The following GRM8 variants were observed in gnomAD, a reference collection of about 807,000 sequenced individuals.
The protein encoded by GRM8 is glutamate metabotropic receptor 8, also known as metabotropic glutamate receptor 8.
Under a neutral mutation model 87.2 loss-of-function variants are expected in GRM8, and 47 were observed. The observed-to-expected ratio is 0.54, with a 90% CI of 0.43 to 0.69. The LOEUF is 0.69. Among genes scored for constraint, GRM8 ranks in the 30% least tolerant of loss-of-function variants. The pLI is 0.00. For synonymous variants in GRM8, 396 were observed against 404.5 expected (o/e 0.98, Z 0.25); for missense variants, 1,019 against 1,139.2 (o/e 0.89, Z 1.52).
At chr7:126,830,495 C>A (rs1434007445) in intron 6 of GRM8, among the ~76,000 whole-genome samples, 1 of 152,158 alleles carries the variant, frequency 6.6e-6, no homozygotes, top group East Asian at 1.9e-4. Flanking sequence ...TTGATCTCAT[C>A]GGCTCCTGAG....
At chr7:126,906,369 G>A (rs772189230) in intron 3 of GRM8, among the ~76,000 whole-genome samples, 1 of 152,144 alleles carries the variant, frequency 6.6e-6, no homozygotes, top group African/African-American at 2.4e-5. Context: ...AGGCTAGAGT[G>A]CAGTGGCCAG....
chr7:126,562,154 A>G (rs1793777089), intron 8 of GRM8, among the ~76,000 whole-genome samples: 1 of 152,068 alleles, frequency 6.6e-6, no homozygotes, highest in African/African-American at 2.4e-5. Context: ...AAAACCATAA[A>G]CTGCTAAGCT....
At chr7:127,067,970 A>C (rs1226112809) in intron 3 of GRM8, among the ~76,000 whole-genome samples, 1 of 152,128 alleles carries the variant, frequency 6.6e-6, no homozygotes, top group Non-Finnish European at 1.5e-5. Flanking sequence ...TTATAATTAC[A>C]CCTATTTAGG....
intron 3 of GRM8, among the ~76,000 whole-genome samples, chr7:126,967,819 GT>G (rs1326082318): frequency 6.6e-6 from 1 of 152,102 alleles, no homozygotes; most frequent in Non-Finnish European, 1.5e-5. Flanking sequence ...GAAAAGAATA[GT>G]CCTCGCTTCA....
chr7:126,908,191 TGTG>T (rs987686676), intron 3 of GRM8, among the ~76,000 whole-genome samples: 2 of 152,126 alleles, frequency 1.3e-5, no homozygotes, highest in African/African-American at 4.8e-5. Context: ...TTTGAAGTGT[TGTG>T]GGGCAAAGAG....
At chr7:127,220,798 T>C (rs1234814115) in intron 2 of GRM8, among the ~76,000 whole-genome samples, 1 of 152,172 alleles carries the variant, frequency 6.6e-6, no homozygotes, top group Non-Finnish European at 1.5e-5. Context: ...CCGCTGAACA[T>C]ATTTAGTCAA....
intron 3 of GRM8, among the ~76,000 whole-genome samples, chr7:127,026,808 T>C (rs558581582): frequency 5.3e-5 from 8 of 152,308 alleles, no homozygotes; most frequent in African/African-American, 1.9e-4. Context: ...ACTCTGATGA[T>C]AGTTGCTTCT....
chr7:126,570,616 A>G (rs944949298), intron 8 of GRM8, among the ~76,000 whole-genome samples: 3 of 152,168 alleles, frequency 2.0e-5, no homozygotes, highest in African/African-American at 7.2e-5. Context: ...GACTTATTGA[A>G]AAACATCTTC....
chr7:126,867,409 C>G lies in GRM8; in HGVS notation c.1156+35133G>C, dbSNP rs368896630. The stretch of plus-strand genomic sequence containing the variant: ...AAATTGGGCACTTTCTTACCCAAAC[C>G]ACTGTAGGTTTATTTGACATTTAGT... On this transcript the variant is annotated intron_variant, in intron 6 of 10. Coordinates refer to ENST00000339582, the MANE Select transcript of GRM8 (RefSeq NM_000845.3). 5.3e-5 allele frequency among the ~76,000 whole-genome samples: 8 copies of G among 152,282 alleles called. No homozygotes were observed. The East Asian group carries it at 1.4e-3, about 26-fold the overall frequency.
At chr7:126,585,864 T>C (rs1263034146) in intron 8 of GRM8, among the ~76,000 whole-genome samples, 1 of 152,118 alleles carries the variant, frequency 6.6e-6, no homozygotes, top group Non-Finnish European at 1.5e-5. Context: ...TAAAGGGTAT[T>C]CAATTAGGAA....
At position 127,227,179 on chromosome 7, in the gene GRM8, C is replaced by G. The variant is rs577053482; in HGVS notation, c.510+15516G>C. ...GATGGGAGAAAACTCAGCAGCGCCA[C>G]TGGGAGGCTCTGAAACTGGGACAAG... is the stretch of plus-strand genomic sequence containing the variant. On this transcript the variant is annotated intron_variant, in intron 2 of 10. Transcript: ENST00000339582. 2.1e-4 allele frequency among the ~76,000 whole-genome samples: 32 copies of G among 152,328 alleles called. No individual in the cohort carries two copies. In the South Asian group the frequency reaches 6.0e-3, roughly 29 times the overall value.
intron 7 of GRM8, among the ~76,000 whole-genome samples, chr7:126,667,201 ATAAAG>A (rs1805867662): frequency 6.6e-6 from 1 of 152,268 alleles, no homozygotes; most frequent in African/African-American, 2.4e-5. Context: ...TCACTCTACA[ATAAAG>A]TAAACTGAAG....
intron 6 of GRM8, among the ~76,000 whole-genome samples, chr7:126,773,147 T>C (rs979592360): frequency 1.1e-4 from 16 of 152,212 alleles, no homozygotes; most frequent in Admixed American, 2.0e-4. Context: ...TTCCAGGTTG[T>C]TTGTATTGCT....
intron 3 of GRM8, among the ~76,000 whole-genome samples, chr7:127,006,427 G>C (rs1348577181): frequency 1.3e-5 from 2 of 151,960 alleles, no homozygotes; most frequent in Non-Finnish European, 2.9e-5. Flanking sequence ...TTCAGCTTCC[G>C]TCCATTTATC....
intron 1 of GRM8, among the ~76,000 whole-genome samples, chr7:127,245,412 C>T (rs895676283): frequency 1.3e-5 from 2 of 152,136 alleles, no homozygotes; most frequent in African/African-American, 4.8e-5. Flanking sequence ...CCTCTTTACA[C>T]CAAGCCATCC....
At chr7:126,451,760 C>T (rs544924705) in intron 9 of GRM8, among the ~76,000 whole-genome samples, 1 of 151,714 alleles carries the variant, frequency 6.6e-6, no homozygotes, top group East Asian at 2.0e-4. Context: ...TACTTCCAGA[C>T]TTTTATATCT....
intron 9 of GRM8, among the ~76,000 whole-genome samples, chr7:126,514,062 C>T (rs1811813947): frequency 6.6e-6 from 1 of 152,124 alleles, no homozygotes; most frequent in South Asian, 2.1e-4. Context: ...GTCCTGCTTA[C>T]CTATTATATT....
chr7:126,795,330 A>G (rs1313542952), intron 6 of GRM8, among the ~76,000 whole-genome samples: 2 of 151,930 alleles, frequency 1.3e-5, no homozygotes, highest in Non-Finnish European at 2.9e-5. Flanking sequence ...CCACTATCTC[A>G]TATACTCATT....
chr7:126,961,263 C>T (rs1230067584), intron 3 of GRM8, among the ~76,000 whole-genome samples: 1 of 152,172 alleles, frequency 6.6e-6, no homozygotes, highest in African/African-American at 2.4e-5. Context: ...GTGTGAAACT[C>T]CTCACCTACT....
Sources: gnomAD v4.1 joint callset for allele counts (sites outside exome capture counted in the v4.1 genomes callset) on GRCh38, gnomAD v4.1.1 for gene constraint, MANE v1.5 for transcripts, NCBI Gene and HGNC (gene_info 2026-07-23, HGNC 2026-07-21) for gene names.